The following B3GLCT variants were observed in gnomAD, a reference collection of about 807,000 sequenced individuals.
B3GLCT encodes beta-1,3-glucosyltransferase.
In B3GLCT, 65 loss-of-function variants were observed where a neutral mutation model predicts 63.4. That is an observed-to-expected ratio of 1.03 (90% CI 0.84 to 1.26). The LOEUF (loss-of-function observed/expected upper bound fraction) is 1.26, where lower values mean the gene tolerates loss of function less well. Ranked by LOEUF, B3GLCT falls within the 50% of genes most tolerant of loss-of-function variation. The pLI is 0.00. For synonymous variants in B3GLCT, 233 were observed against 219.2 expected (o/e 1.06, Z -0.55); for missense variants, 577 against 604.8 (o/e 0.95, Z 0.48).
At chr13:31,242,817 G>A (rs781647193) in intron 4 of B3GLCT, among the ~76,000 whole-genome samples, 1 of 152,132 alleles carries the variant, frequency 6.6e-6, no homozygotes, top group African/African-American at 2.4e-5. Context: ...ATCTTGTTAG[G>A]AAAGGACATT....
intron 10 of B3GLCT, among the ~76,000 whole-genome samples, chr13:31,282,228 A>G (rs543925216): frequency 6.8e-4 from 104 of 152,360 alleles, no homozygotes; most frequent in Non-Finnish European, 1.3e-3. Flanking sequence ...TAGAATTTAA[A>G]TGATGCTAAT....
chr13:31,302,312 C>T (rs759188251), intron 12 of B3GLCT, among the ~76,000 whole-genome samples: 3 of 152,112 alleles, frequency 2.0e-5, no homozygotes, highest in Admixed American at 6.5e-5. Flanking sequence ...TAAAGCTAGT[C>T]CCGGGGAGGA....
chr13:31,203,361 C>T (rs1037546069), intron 1 of B3GLCT, among the ~76,000 whole-genome samples: 1 of 152,196 alleles, frequency 6.6e-6, no homozygotes, highest in Non-Finnish European at 1.5e-5. Flanking sequence ...CATGGCTCCC[C>T]AGGTCATGGA....
Position 31,274,609 on chromosome 13 carries a change from A to G in B3GLCT, c.761A>G (p.His254Arg). 6.2e-7 allele frequency: 1 copy of G among 1,614,188 alleles called. No homozygotes were observed. The highest frequency in any genetic ancestry group is 1.3e-5 in the African/African-American group (1 of 75,040). Residue 254 changes from histidine to arginine, a missense_variant, in exon 9 of 15, where the codon CAT becomes CGT. By Grantham distance (29) the His-to-Arg change is conservative. Coordinates refer to ENST00000343307, the MANE Select transcript of B3GLCT (RefSeq NM_194318.4). ...DVDFYCATTF[H>R]SFLPLCRKPV... ...GACTTCTACTGTGCTACCACATTCC[A>G]TTCTTTTCTACCGCTTTGTGTGAGT...
chr13:31,290,892 T>C (rs1566084349), intron 12 of B3GLCT, among the ~76,000 whole-genome samples: 1 of 152,238 alleles, frequency 6.6e-6, no homozygotes, highest in South Asian at 2.1e-4. Context: ...ATTTTGGCTT[T>C]TGTTGCCGTT....
chr13:31,314,581 C>G lies in B3GLCT; in HGVS notation c.1065-2985C>G, dbSNP rs140758546. 4.0e-3 allele frequency among the ~76,000 whole-genome samples: 616 copies of G among 152,312 alleles called. 4 individuals are homozygous for G. The highest frequency in any genetic ancestry group is 0.014 in the African/African-American group (582 of 41,560). On this transcript the variant is annotated intron_variant, in intron 12 of 14. Transcript: ENST00000343307. ...CTGTATTTACCCAATGCCTATACCC[C>G]CATTGTATCTAGGAAGAACTAACTT...
intron 11 of B3GLCT, among the ~76,000 whole-genome samples, chr13:31,285,409 G>A (rs941720786): frequency 1.1e-4 from 17 of 151,966 alleles, no homozygotes; most frequent in Non-Finnish European, 2.5e-4. Flanking sequence ...CTTCACCACT[G>A]TACAATATGT....
At chr13:31,295,383 T>C (rs1873882533) in intron 12 of B3GLCT, among the ~76,000 whole-genome samples, 1 of 152,074 alleles carries the variant, frequency 6.6e-6, no homozygotes, top group Non-Finnish European at 1.5e-5. Context: ...CCGGCAGGCA[T>C]GAACGTTTAA....
chr13:31,299,322 C>T (rs2137904165), intron 12 of B3GLCT, among the ~76,000 whole-genome samples: 1 of 152,248 alleles, frequency 6.6e-6, no homozygotes, highest in Non-Finnish European at 1.5e-5. Context: ...ATAGGCTGTA[C>T]AGTGTGTTCC....
chr13:31,207,464 A>G (rs956708984), intron 1 of B3GLCT, among the ~76,000 whole-genome samples: 1 of 152,168 alleles, frequency 6.6e-6, no homozygotes, highest in African/African-American at 2.4e-5. Flanking sequence ...TCTGGTTTGC[A>G]TATCCTGAGT....
intron 12 of B3GLCT, among the ~76,000 whole-genome samples, chr13:31,300,007 A>G (rs766335040): frequency 2.6e-5 from 4 of 152,174 alleles, no homozygotes; most frequent in African/African-American, 7.2e-5. Flanking sequence ...AATGCATCCA[A>G]TACAGCCCAC....
intron 6 of B3GLCT, among the ~76,000 whole-genome samples, chr13:31,248,481 G>A (rs1276297462): frequency 2.0e-5 from 3 of 152,158 alleles, no homozygotes; most frequent in African/African-American, 4.8e-5. Flanking sequence ...TCTCTAATAA[G>A]GAAGACTAGG....
In B3GLCT at chr13:31,329,500, G is replaced by C. The variant is rs747343127; in HGVS notation, c.1330-1G>C. The C allele has an allele frequency of 6.2e-7, 1 of 1,614,160 alleles. No individual in the cohort carries two copies. The highest frequency in any genetic ancestry group is 1.1e-5 in the South Asian group (1 of 91,080). ...AGCCTAACTCTCTATTTTTCCTGCAGGCTCGGCCGGTGGATTACCCTAAGG... is the reference window on the plus strand; with the variant it reads ...AGCCTAACTCTCTATTTTTCCTGCACGCTCGGCCGGTGGATTACCCTAAGG... On this transcript the variant is annotated splice_acceptor_variant, in intron 14 of 14. Coordinates refer to ENST00000343307, the MANE Select transcript of B3GLCT (RefSeq NM_194318.4). LOFTEE classifies it high-confidence loss of function.
intron 12 of B3GLCT, among the ~76,000 whole-genome samples, chr13:31,316,407 T>TTTTTTATATATATATATATATATATA (rs1239451482): frequency 4.9e-5 from 2 of 40,864 alleles, no homozygotes; most frequent in African/African-American, 1.3e-4. Context: ...TTTGGAGGTT[T>TTTTTTATATATATATATATATATATA]TATATATATA....
rs1242225414 is a variant in B3GLCT, at chr13:31,200,064, C to G, written c.-21C>G. ...CTCCCTTCCCCGCGCCCAGGTAGGG[C>G]GCTCAGCCTCCGCCGCCAGGATGCG... On this transcript the variant is annotated 5_prime_UTR_variant, in exon 1 of 15. Coordinates refer to ENST00000343307, the MANE Select transcript of B3GLCT (RefSeq NM_194318.4). 4 of 1,349,242 alleles carry G rather than the reference C, an allele frequency of 3.0e-6. No homozygotes were observed. Among genetic ancestry groups the G allele is most frequent in the South Asian group, 1.5e-5 (1 of 66,994 alleles). The allele number at this position is 1,349,242 out of a possible 1,614,324, so 83.6% of individuals were successfully genotyped here. A position where few individuals can be genotyped will look rare whatever the true frequency, so the allele number is the denominator to read the frequency against.
At chr13:31,200,216 G>A (rs1451526356) in intron 1 of B3GLCT, 62 bp downstream of exon 1, 6 of 1,081,062 alleles carry the variant, frequency 5.6e-6, no homozygotes, top group African/African-American at 5.1e-5. Context: ...ACAGTCGCCC[G>A]TGCCCCGGTC....
intron 13 of B3GLCT, among the ~76,000 whole-genome samples, chr13:31,322,450 A>G (rs1418388859): frequency 6.6e-6 from 1 of 152,246 alleles, no homozygotes; most frequent in Non-Finnish European, 1.5e-5. Flanking sequence ...TAGCCTTTCA[A>G]CATCTTTTTA....
Position 31,205,492 on chromosome 13 carries a change from G to A in B3GLCT, c.70+5338G>A, listed in dbSNP as rs1423504364. ...GACAATCGCTTGAACCCAGGAGGCC[G>A]AGGTTGTAGTGAGCAAAGATTGCAC... On this transcript the variant is annotated intron_variant, in intron 1 of 14. Coordinates refer to ENST00000343307, the MANE Select transcript of B3GLCT (RefSeq NM_194318.4). 4.6e-5 allele frequency among the ~76,000 whole-genome samples: 7 copies of A among 152,208 alleles called. No homozygotes were observed. In the South Asian group the frequency reaches 6.2e-4, roughly 14 times the overall value.
intron 1 of B3GLCT, among the ~76,000 whole-genome samples, chr13:31,214,495 C>T (rs970838430): frequency 6.6e-6 from 1 of 152,194 alleles, no homozygotes; most frequent in African/African-American, 2.4e-5. Context: ...CCTCACTCTC[C>T]CGGCCCCATT....
Sources: allele counts gnomAD v4.1 joint callset (sites outside exome capture counted in the v4.1 genomes callset), GRCh38; gene constraint gnomAD v4.1.1; transcripts MANE v1.5; gene names NCBI Gene and HGNC (gene_info 2026-07-23, HGNC 2026-07-21).